The following CNTNAP2 variants were observed in gnomAD, a reference collection of about 807,000 sequenced individuals.
CNTNAP2 encodes contactin-associated protein-like 2.
Under a neutral mutation model 155.2 loss-of-function variants are expected in CNTNAP2, and 98 were observed. The ratio of observed to expected loss-of-function variants is 0.63; its 90% CI spans 0.54 to 0.75. The LOEUF (loss-of-function observed/expected upper bound fraction) is 0.75. Among genes scored for constraint, CNTNAP2 ranks in the 30% least tolerant of loss-of-function variants. CNTNAP2 has a pLI of 0.00. For missense variants in CNTNAP2, 1,727 were observed against 1,688.1 expected (o/e 1.02, Z -0.40); for synonymous variants, 651 against 631.2 (o/e 1.03, Z -0.47).
intron 11 of CNTNAP2, among the ~76,000 whole-genome samples, chr7:147,510,974 T>G (rs1799009043): frequency 6.6e-6 from 1 of 150,742 alleles, no homozygotes; most frequent in Non-Finnish European, 1.5e-5. Flanking sequence ...TTGCTTTGTT[T>G]CCTCTAAATC....
chr7:148,040,481 T>C (rs1191835473), intron 15 of CNTNAP2, among the ~76,000 whole-genome samples: 2 of 152,198 alleles, frequency 1.3e-5, no homozygotes, highest in African/African-American at 2.4e-5. Context: ...ACTTTCTAGG[T>C]GGTTCTAATG....
At chr7:147,503,746 C>T (rs2116673947) in intron 11 of CNTNAP2, among the ~76,000 whole-genome samples, 1 of 151,914 alleles carries the variant, frequency 6.6e-6, no homozygotes, top group Non-Finnish European at 1.5e-5. Context: ...TATTTATACA[C>T]TCAGTTAATT....
At chr7:148,222,042 T>C (rs991387412) in intron 19 of CNTNAP2, among the ~76,000 whole-genome samples, 2 of 152,216 alleles carry the variant, frequency 1.3e-5, no homozygotes, top group African/African-American at 4.8e-5. Context: ...CCCTTCTTCA[T>C]GTCTGCCACG....
At chr7:147,783,937 C>T (rs1797694994) in intron 13 of CNTNAP2, among the ~76,000 whole-genome samples, 1 of 152,162 alleles carries the variant, frequency 6.6e-6, no homozygotes, top group Non-Finnish European at 1.5e-5. Flanking sequence ...TTTATGGTAT[C>T]TTTCTACAGC....
At chr7:147,355,492 G>A (rs569185438) in intron 9 of CNTNAP2, among the ~76,000 whole-genome samples, 10 of 151,930 alleles carry the variant, frequency 6.6e-5, no homozygotes, top group South Asian at 4.2e-4. Context: ...AAAAAAGCAC[G>A]GAATCTAGGA....
At chr7:147,317,852 T>G (rs572836423) in intron 9 of CNTNAP2, among the ~76,000 whole-genome samples, 2 of 151,336 alleles carry the variant, frequency 1.3e-5, no homozygotes, top group South Asian at 4.2e-4. Context: ...ATCTCTTTTT[T>G]TTCCTTGGCT....
intron 3 of CNTNAP2, among the ~76,000 whole-genome samples, chr7:146,970,992 A>G (rs1188055436): frequency 6.6e-6 from 1 of 152,182 alleles, no homozygotes; most frequent in Non-Finnish European, 1.5e-5. Context: ...ATTCTCACTC[A>G]TAGGCAGGAA....
At chr7:147,632,922 T>A (rs1290587602) in intron 12 of CNTNAP2, among the ~76,000 whole-genome samples, 1 of 152,206 alleles carries the variant, frequency 6.6e-6, no homozygotes, top group African/African-American at 2.4e-5. Context: ...GCAAAGAGAC[T>A]GGTGGCATTT....
intron 1 of CNTNAP2, among the ~76,000 whole-genome samples, chr7:146,432,354 T>C (rs1796184823): frequency 6.6e-6 from 1 of 152,132 alleles, no homozygotes; most frequent in South Asian, 2.1e-4. Context: ...GTTTAAGACA[T>C]GTTTTACTTT....
chr7:147,554,901 A>G (rs1799923312), intron 11 of CNTNAP2, among the ~76,000 whole-genome samples: 1 of 152,172 alleles, frequency 6.6e-6, no homozygotes, highest in African/African-American at 2.4e-5. Flanking sequence ...TTCAAGTGTT[A>G]ATGAGGACTT....
chr7:147,168,366 A>C (rs1042787834), intron 8 of CNTNAP2, among the ~76,000 whole-genome samples: 7 of 151,960 alleles, frequency 4.6e-5, no homozygotes, highest in Non-Finnish European at 1.0e-4. Flanking sequence ...GGTATGTCAG[A>C]GATTTTCAAA....
chr7:147,301,718 T>G (rs1459930997), intron 9 of CNTNAP2, among the ~76,000 whole-genome samples: 3 of 151,220 alleles, frequency 2.0e-5, no homozygotes, highest in African/African-American at 7.3e-5. Flanking sequence ...TTCCTCAAGG[T>G]CCTAGAAAAA....
At chr7:147,297,934 C>T (rs145755939) in intron 8 of CNTNAP2, among the ~76,000 whole-genome samples, 10 of 152,224 alleles carry the variant, frequency 6.6e-5, no homozygotes, top group Non-Finnish European at 1.0e-4. Context: ...TGGGTATATA[C>T]GTAGTAGTTG....
chr7:146,463,316 T>A (rs975231409), intron 1 of CNTNAP2, among the ~76,000 whole-genome samples: 2 of 152,150 alleles, frequency 1.3e-5, no homozygotes, highest in Non-Finnish European at 2.9e-5. Context: ...GTATTCACCT[T>A]TCTTTTTGAA....
chr7:146,210,844 T>C (rs1799023590), intron 1 of CNTNAP2, among the ~76,000 whole-genome samples: 1 of 151,870 alleles, frequency 6.6e-6, no homozygotes, highest in Admixed American at 6.6e-5. Context: ...TTCATTTTTT[T>C]TTTTTTCGTG....
chr7:147,587,728 AAGACGCAT>A (rs1298039708), intron 12 of CNTNAP2, among the ~76,000 whole-genome samples: 14 of 152,186 alleles, frequency 9.2e-5, no homozygotes, highest in Non-Finnish European at 1.8e-4. Flanking sequence ...AAAGGCAAAT[AAGACGCAT>A]AGTGGTATTT....
chr7:147,525,227 T>C (rs964929816), intron 11 of CNTNAP2, among the ~76,000 whole-genome samples: 1 of 152,232 alleles, frequency 6.6e-6, no homozygotes, highest in African/African-American at 2.4e-5. Flanking sequence ...ATATTGTTGA[T>C]GTCAAAGAAA....
chr7:148,279,935 T>C (rs1796942347), intron 21 of CNTNAP2, among the ~76,000 whole-genome samples: 1 of 152,098 alleles, frequency 6.6e-6, no homozygotes, highest in Non-Finnish European at 1.5e-5. Context: ...AATTTTACAA[T>C]TGAGGACAGA....
At chr7:147,045,407 C>T (rs1799338372) in intron 4 of CNTNAP2, among the ~76,000 whole-genome samples, 1 of 152,074 alleles carries the variant, frequency 6.6e-6, no homozygotes, top group East Asian at 1.9e-4. Context: ...TATAATAGTG[C>T]CCGAATACTG....
Sources: gnomAD v4.1 joint callset for allele counts (sites outside exome capture counted in the v4.1 genomes callset) on GRCh38, gnomAD v4.1.1 for gene constraint, MANE v1.5 for transcripts, NCBI Gene and HGNC (gene_info 2026-07-23, HGNC 2026-07-21) for gene names.